The following KLHL3 variants were observed in gnomAD, a reference collection of about 807,000 sequenced individuals.
The protein encoded by KLHL3 is kelch like family member 3.
A neutral mutation model predicts 70.5 loss-of-function variants in KLHL3; 19 were observed. That is an observed-to-expected ratio of 0.27 (90% CI 0.19 to 0.40). The LOEUF is 0.40. Among genes scored for constraint, KLHL3 ranks in the 10% least tolerant of loss-of-function variants. The pLI is 1.00. For missense variants in KLHL3, 512 were observed against 771.1 expected (o/e 0.66, Z 3.98); for synonymous variants, 258 against 290.3 (o/e 0.89, Z 1.13).
intron 6 of KLHL3, among the ~76,000 whole-genome samples, chr5:137,667,471 AAGG>A (rs1291039802): frequency 6.6e-6 from 1 of 152,190 alleles, no homozygotes; most frequent in Non-Finnish European, 1.5e-5. Flanking sequence ...GTCAAGTGGA[AAGG>A]AGTTGGAGAA....
intron 12 of KLHL3, among the ~76,000 whole-genome samples, chr5:137,633,399 C>T (rs765486362): frequency 4.1e-5 from 6 of 146,176 alleles, no homozygotes; most frequent in African/African-American, 7.6e-5. Flanking sequence ...TATGGAAAAA[C>T]AGTATGGGGA....
In KLHL3 at chr5:137,735,720, C is replaced by G; in HGVS notation, c.-74G>C. ...GGGGATCCTAGTTCTGTTCTTGATT[C>G]TCCCAGCAGACCAGTGGGAAATCTG... is the stretch of plus-strand genomic sequence containing the variant. On this transcript the variant is annotated 5_prime_UTR_variant, in exon 1 of 15. Transcript: ENST00000309755. The G allele has an allele frequency of 6.2e-7, 1 of 1,610,354 alleles. No homozygotes were observed. The highest frequency in any genetic ancestry group is 8.5e-7 in the Non-Finnish European group (1 of 1,176,564).
intron 5 of KLHL3, among the ~76,000 whole-genome samples, chr5:137,689,356 G>A (rs544258441): frequency 9.7e-4 from 148 of 152,258 alleles, no homozygotes; most frequent in Admixed American, 2.4e-3. Context: ...AGAATAAATT[G>A]TTCTACCAAA....
intron 14 of KLHL3, among the ~76,000 whole-genome samples, chr5:137,624,623 C>G (rs1750409141): frequency 6.6e-6 from 1 of 152,188 alleles, no homozygotes; most frequent in Non-Finnish European, 1.5e-5. Context: ...AATGACTGAC[C>G]TTTATAATGC....
rs11442441 is a variant in KLHL3 at position 137,655,993 on chromosome 5, G to GAA, written c.903+2136_903+2137dup. On this transcript the variant is annotated intron_variant, in intron 8 of 14. Coordinates refer to ENST00000309755, the MANE Select transcript of KLHL3 (RefSeq NM_017415.3). The stretch of plus-strand genomic sequence containing the variant: ...GTAGAAGAACAAGACTCTGCCTCAA[G>GAA]AAAAAAAAAAAAAAAAAGGAATAAA... Among the ~76,000 whole-genome samples, 655 of 107,892 alleles carry GAA rather than the reference G, an allele frequency of 6.1e-3. 12 individuals are homozygous for GAA. Among genetic ancestry groups the GAA allele is most frequent in the South Asian group, 0.013 (40 of 3,114 alleles). 70.8% of individuals were successfully genotyped at this position (107,892 alleles called of 152,430 possible). A position where few individuals can be genotyped will look rare whatever the true frequency, so the allele number is the denominator to read the frequency against.
At chr5:137,641,187 A>G (rs1350500151) in intron 8 of KLHL3, among the ~76,000 whole-genome samples, 1 of 152,246 alleles carries the variant, frequency 6.6e-6, no homozygotes, top group Non-Finnish European at 1.5e-5. Flanking sequence ...ACTCAACGGC[A>G]TTCCAATATG....
At chr5:137,647,439 GGAC>G in intron 8 of KLHL3, 4 of 363,184 alleles carry the variant, frequency 1.1e-5, no homozygotes, top group African/African-American at 2.4e-5. Context: ...CCTGGCCTCA[GGAC>G]TACATAGGTC....
chr5:137,628,707 A>T (rs1750549188), intron 12 of KLHL3: 1 of 229,132 alleles, frequency 4.4e-6, no homozygotes, highest in South Asian at 8.5e-5. Context: ...ATATATATAT[A>T]TATATACACA....
At chr5:137,663,984 T>C (rs1247375913) in intron 6 of KLHL3, among the ~76,000 whole-genome samples, 2 of 152,172 alleles carry the variant, frequency 1.3e-5, no homozygotes, top group African/African-American at 2.4e-5. Context: ...GGCATATACA[T>C]GTGTCAAAAC....
Position 137,735,983 on chromosome 5 carries a change from T to C in KLHL3, c.-337A>G, listed in dbSNP as rs886059961. The C allele has an allele frequency of 3.4e-4, 146 of 433,744 alleles. 1 individual carries two copies. Among genetic ancestry groups the C allele is most frequent in the Non-Finnish European group, 6.0e-4 (139 of 231,474 alleles). The allele number at this position is 433,744 out of a possible 1,614,324, so 26.9% of individuals were successfully genotyped here. On this transcript the variant is annotated 5_prime_UTR_variant, in exon 1 of 15. Coordinates refer to ENST00000309755, the MANE Select transcript of KLHL3 (RefSeq NM_017415.3). ...ACGGCGGCAGCTCCAGCGACCCAGG[T>C]GCACTGCCACCTTTCCAGCTTCCTC...
At chr5:137,629,454 C>T (rs950724956) in intron 12 of KLHL3, 1 of 152,178 alleles carries the variant, frequency 6.6e-6, no homozygotes, top group South Asian at 2.1e-4. Context: ...CCACACTGGT[C>T]AGGAGTCAGA....
intron 10 of KLHL3, among the ~76,000 whole-genome samples, chr5:137,638,361 T>C (rs1284818689): frequency 6.6e-6 from 1 of 152,232 alleles, no homozygotes; most frequent in Non-Finnish European, 1.5e-5. Flanking sequence ...AGAGCTACTG[T>C]CTGCAGAGAC....
intron 8 of KLHL3, among the ~76,000 whole-genome samples, chr5:137,652,361 T>C (rs969547146): frequency 6.6e-6 from 1 of 152,222 alleles, no homozygotes; most frequent in Admixed American, 6.5e-5. Context: ...AGATATCTAC[T>C]CTTGTGTTCA....
At chr5:137,700,482 G>A (rs1282344652) in intron 3 of KLHL3, among the ~76,000 whole-genome samples, 1 of 152,204 alleles carries the variant, frequency 6.6e-6, no homozygotes, top group Non-Finnish European at 1.5e-5. Flanking sequence ...AGTCAGGTTA[G>A]GGTTTTGTAA....
intron 1 of KLHL3, among the ~76,000 whole-genome samples, chr5:137,726,217 G>A (rs1753082915): frequency 6.6e-6 from 1 of 152,102 alleles, no homozygotes; most frequent in Admixed American, 6.5e-5. Flanking sequence ...TCTATATGTT[G>A]AGGGTCCACA....
At chr5:137,633,347 A>G (rs1231213239) in intron 12 of KLHL3, among the ~76,000 whole-genome samples, 1 of 151,524 alleles carries the variant, frequency 6.6e-6, no homozygotes, top group Non-Finnish European at 1.5e-5. Flanking sequence ...AGAAAAGGGT[A>G]TGCTTATACA....
chr5:137,717,514 G>A (rs887818424), intron 2 of KLHL3, among the ~76,000 whole-genome samples: 4 of 152,192 alleles, frequency 2.6e-5, no homozygotes, highest in African/African-American at 9.6e-5. Flanking sequence ...TGGGCCACAC[G>A]AGTGAAACTC....
chr5:137,706,467 G>T (rs1039290508), intron 3 of KLHL3: 5 of 764,292 alleles, frequency 6.5e-6, no homozygotes, highest in Non-Finnish European at 6.4e-6. Context: ...GCATAAGCTG[G>T]TACAACTGTT....
intron 6 of KLHL3, 117 bp from the exon 7 acceptor site, chr5:137,662,148 A>T (rs1471777995): frequency 1.6e-6 from 1 of 636,056 alleles, no homozygotes; most frequent in Non-Finnish European, 2.8e-6. Context: ...TCATCCACAA[A>T]GGTGTTTAAT....
Sources: gnomAD v4.1 joint callset for allele counts (sites outside exome capture counted in the v4.1 genomes callset) on GRCh38, gnomAD v4.1.1 for gene constraint, MANE v1.5 for transcripts, NCBI Gene and HGNC (gene_info 2026-07-23, HGNC 2026-07-21) for gene names.